SGCZ: variants seen among roughly 807,000 people sequenced by gnomAD.
SGCZ encodes the protein zeta-sarcoglycan.
SGCZ carries 40 observed loss-of-function variants against 41.3 expected under a neutral mutation model. That is an observed-to-expected ratio of 0.97 (90% CI 0.75 to 1.26). The LOEUF (loss-of-function observed/expected upper bound fraction) is 1.26, where lower values mean the gene tolerates loss of function less well. Ranked by LOEUF, SGCZ falls within the 50% of genes most tolerant of loss-of-function variation. The pLI, the probability that SGCZ is intolerant of heterozygous loss-of-function variation, is 0.00. For synonymous variants in SGCZ, 206 were observed against 137.5 expected (o/e 1.50, Z -3.49); for missense variants, 552 against 369.8 (o/e 1.49, Z -4.04).
chr8:14,700,894 T>C (rs1809114295), intron 1 of SGCZ, among the ~76,000 whole-genome samples: 1 of 63,440 alleles, frequency 1.6e-5, no homozygotes, highest in African/African-American at 3.1e-5. Flanking sequence ...ATTCCAAAAA[T>C]AGTTAGCAAG....
intron 1 of SGCZ, among the ~76,000 whole-genome samples, chr8:15,034,344 C>T (rs968745777): frequency 2.0e-5 from 3 of 151,908 alleles, no homozygotes; most frequent in Non-Finnish European, 1.5e-5. Flanking sequence ...GAAAGCATCA[C>T]TAGCAGAAGT....
At chr8:15,048,742 T>C (rs1804406677) in intron 1 of SGCZ, among the ~76,000 whole-genome samples, 1 of 152,154 alleles carries the variant, frequency 6.6e-6, no homozygotes, top group East Asian at 1.9e-4. Context: ...ACTTCCAAAA[T>C]GTCAAATAAT....
chr8:15,123,366 C>A (rs1057139257), intron 1 of SGCZ, among the ~76,000 whole-genome samples: 2 of 152,066 alleles, frequency 1.3e-5, no homozygotes, highest in Admixed American at 1.3e-4. Context: ...TTATCAATTT[C>A]TTTCTTTCAT....
chr8:15,068,317 A>G (rs778651055), intron 1 of SGCZ, among the ~76,000 whole-genome samples: 21 of 152,166 alleles, frequency 1.4e-4, no homozygotes, highest in Non-Finnish European at 1.8e-4. Context: ...AAGTTTTCCA[A>G]TTCAATATCT....
intron 4 of SGCZ, among the ~76,000 whole-genome samples, chr8:14,170,192 C>A (rs1487896026): frequency 6.7e-6 from 1 of 148,852 alleles, no homozygotes; most frequent in Non-Finnish European, 1.5e-5. Flanking sequence ...CCCCCCGCAC[C>A]GAATCCACAC....
intron 1 of SGCZ, among the ~76,000 whole-genome samples, chr8:15,196,582 AC>A (rs1800739417): frequency 6.6e-6 from 1 of 151,972 alleles, no homozygotes; most frequent in South Asian, 2.1e-4. Context: ...TACAGAAGAA[AC>A]CACCCCTAAA....
intron 1 of SGCZ, among the ~76,000 whole-genome samples, chr8:14,877,181 C>T (rs1290583689): frequency 2.6e-5 from 4 of 151,984 alleles, no homozygotes; most frequent in South Asian, 2.1e-4. Context: ...ACCATGTTGG[C>T]GTGGAGGGTC....
At chr8:14,586,873 G>C (rs569138491) in intron 1 of SGCZ, among the ~76,000 whole-genome samples, 3 of 151,980 alleles carry the variant, frequency 2.0e-5, no homozygotes, top group South Asian at 4.2e-4. Flanking sequence ...ATTAAAACGA[G>C]GAAATTTTGA....
At chr8:14,854,263 A>T (rs1803463297) in intron 1 of SGCZ, among the ~76,000 whole-genome samples, 1 of 151,614 alleles carries the variant, frequency 6.6e-6, no homozygotes, top group Non-Finnish European at 1.5e-5. Context: ...GGTGTTAACA[A>T]CATTATATGC....
intron 4 of SGCZ, among the ~76,000 whole-genome samples, chr8:14,185,877 T>A (rs6530728): frequency 0.99 from 151,491 of 152,326 alleles, 75,335 homozygotes; most frequent in East Asian, 1. Flanking sequence ...CTCATTTAGG[T>A]TCATGGCTTT....
At position 14,324,099 on chromosome 8, in the gene SGCZ, A is replaced by T. The variant is rs764097175; in HGVS notation, c.336+4T>A. On this transcript the variant is annotated splice_donor_region_variant and intron_variant, in intron 3 of 7. Coordinates refer to ENST00000382080, the MANE Select transcript of SGCZ (RefSeq NM_139167.4). ...TAGAGTAAGCCAAAGCCAGTATCAC[A>T]TACCTTTCGAGAATGAATTTCTTTC... The T allele has an allele frequency of 6.2e-7, 1 of 1,601,494 alleles. No homozygotes were observed. Among genetic ancestry groups the T allele is most frequent in the Admixed American group, 1.7e-5 (1 of 59,894 alleles).
intron 1 of SGCZ, among the ~76,000 whole-genome samples, chr8:14,761,391 CT>C (rs1799867253): frequency 6.6e-6 from 1 of 151,790 alleles, no homozygotes; most frequent in Admixed American, 6.6e-5. Context: ...ACTTTATTTT[CT>C]TGGAAAACAA....
At chr8:14,255,896 G>C (rs1408716669) in intron 3 of SGCZ, among the ~76,000 whole-genome samples, 2 of 151,930 alleles carry the variant, frequency 1.3e-5, no homozygotes, top group East Asian at 3.9e-4. Context: ...TTTGACAATA[G>C]CCCAATTAGA....
At chr8:14,706,234 A>C (rs1809328944) in intron 1 of SGCZ, among the ~76,000 whole-genome samples, 2 of 152,038 alleles carry the variant, frequency 1.3e-5, no homozygotes, top group South Asian at 2.1e-4. Flanking sequence ...AATCCACATC[A>C]CACTGCCCTT....
chr8:14,210,013 T>C (rs796764044), intron 4 of SGCZ, among the ~76,000 whole-genome samples: 40 of 147,118 alleles, frequency 2.7e-4, no homozygotes, highest in Non-Finnish European at 5.1e-4. Context: ...CAGATTCTTA[T>C]GTTTGATACA....
intron 1 of SGCZ, among the ~76,000 whole-genome samples, chr8:14,877,219 G>A (rs1317584287): frequency 2.0e-5 from 3 of 152,060 alleles, no homozygotes; most frequent in African/African-American, 4.8e-5. Context: ...TGATCCGCCA[G>A]CCTTAGCCTC....
intron 1 of SGCZ, among the ~76,000 whole-genome samples, chr8:14,931,925 A>T (rs1799932216): frequency 6.6e-6 from 1 of 151,964 alleles, no homozygotes; most frequent in Non-Finnish European, 1.5e-5. Flanking sequence ...AACCAATAAG[A>T]TGTTTTCTTA....
chr8:14,880,040 C>A (rs1315207498), intron 1 of SGCZ, among the ~76,000 whole-genome samples: 1 of 152,064 alleles, frequency 6.6e-6, no homozygotes, highest in African/African-American at 2.4e-5. Context: ...TGTGTTTCTC[C>A]ATGTTGGCCA....
chr8:14,549,155 G>C (rs1488255759), intron 2 of SGCZ, among the ~76,000 whole-genome samples: 1 of 151,940 alleles, frequency 6.6e-6, no homozygotes, highest in Non-Finnish European at 1.5e-5. Context: ...TCAAGTTTGT[G>C]TGTGTGTGTG....
Sources: allele counts gnomAD v4.1 joint callset (sites outside exome capture counted in the v4.1 genomes callset), GRCh38; gene constraint gnomAD v4.1.1; transcripts MANE v1.5; gene names NCBI Gene and HGNC (gene_info 2026-07-23, HGNC 2026-07-21).